Variants in CSMD3 observed in about 807,000 individuals in gnomAD.
CSMD3 encodes CUB and sushi domain-containing protein 3.
In CSMD3, 177 loss-of-function variants were observed where a neutral mutation model predicts 435.2. The ratio of observed to expected loss-of-function variants is 0.41; its 90% CI spans 0.36 to 0.46. CSMD3 has a LOEUF of 0.46. Among genes scored for constraint, CSMD3 ranks in the 20% least tolerant of loss-of-function variants. CSMD3 has a pLI of 0.34. For synonymous variants in CSMD3, 1,656 were observed against 1,520.5 expected (o/e 1.09, Z -2.07); for missense variants, 4,265 against 4,504.6 (o/e 0.95, Z 1.52).
chr8:112,279,893 G>A (rs749279620), intron 59 of CSMD3, among the ~76,000 whole-genome samples: 1 of 152,062 alleles, frequency 6.6e-6, no homozygotes, highest in African/African-American at 2.4e-5. Flanking sequence ...CTTTTGAAGA[G>A]ACAAAATATA....
chr8:113,239,568 C>A (rs2093189863), intron 3 of CSMD3, among the ~76,000 whole-genome samples: 1 of 151,460 alleles, frequency 6.6e-6, no homozygotes, highest in African/African-American at 2.4e-5. Flanking sequence ...TGTACAGAAC[C>A]CAGAATATTA....
intron 10 of CSMD3, among the ~76,000 whole-genome samples, chr8:112,888,688 T>C (rs928856689): frequency 6.6e-6 from 1 of 151,698 alleles, no homozygotes; most frequent in Non-Finnish European, 1.5e-5. Flanking sequence ...TTCATATCGC[T>C]TTGTAGGTTA....
chr8:112,391,691 CA>C (rs34187208), intron 35 of CSMD3, among the ~76,000 whole-genome samples: 4,851 of 141,390 alleles, frequency 0.034, 252 homozygotes, highest in African/African-American at 0.12. Context: ...GACTCCATCT[CA>C]AAAAAAAAAA....
intron 5 of CSMD3, among the ~76,000 whole-genome samples, chr8:113,086,885 T>C (rs2089803926): frequency 6.6e-6 from 1 of 152,182 alleles, no homozygotes; most frequent in Non-Finnish European, 1.5e-5. Flanking sequence ...TTTAATAACT[T>C]AAAAATTTAA....
intron 2 of CSMD3, among the ~76,000 whole-genome samples, chr8:113,293,258 T>C (rs1190811750): frequency 6.6e-6 from 1 of 151,316 alleles, no homozygotes; most frequent in African/African-American, 2.4e-5. Flanking sequence ...TGATTCCTAT[T>C]TTACGTGCCC....
chr8:113,124,492 G>A (rs202083243), intron 4 of CSMD3, among the ~76,000 whole-genome samples: 6 of 150,974 alleles, frequency 4.0e-5, no homozygotes. Flanking sequence ...TGGGAAAAAA[G>A]AAAAAAAACC....
chr8:112,407,042 T>A (rs1465535199), intron 34 of CSMD3, among the ~76,000 whole-genome samples: 1 of 151,964 alleles, frequency 6.6e-6, no homozygotes, highest in Non-Finnish European at 1.5e-5. Context: ...ATTTGTGGGA[T>A]GAAAACTGAA....
chr8:113,260,952 A>G (rs2093422165), intron 3 of CSMD3, among the ~76,000 whole-genome samples: 1 of 151,992 alleles, frequency 6.6e-6, no homozygotes, highest in South Asian at 2.1e-4. Context: ...TATGTGCCAC[A>G]TTTTCTTTAT....
Position 112,237,112 on chromosome 8 carries a change from A to T in CSMD3, c.10627+78T>A, listed in dbSNP as rs1813659922. 2.8e-6 allele frequency: 4 copies of T among 1,431,514 alleles called. No individual in the cohort carries two copies. The Admixed American group carries it at 6.7e-5, about 24-fold the overall frequency. The allele number at this position is 1,431,514 out of a possible 1,614,324, so 88.7% of individuals were successfully genotyped here. On this transcript the variant is annotated intron_variant, in intron 67 of 70. Transcript: ENST00000297405. Reference sequence around the variant, plus strand: ...AAAATAAACATTTCACCATATAAAAAGCATTACTAAAAATGATGAAATCAT... The same window carrying T: ...AAAATAAACATTTCACCATATAAAATGCATTACTAAAAATGATGAAATCAT...
chr8:112,885,268 G>A (rs2081557213), intron 10 of CSMD3, among the ~76,000 whole-genome samples: 1 of 151,520 alleles, frequency 6.6e-6, no homozygotes, highest in African/African-American at 2.4e-5. Context: ...CAGAATGACA[G>A]TACTGACTCT....
intron 3 of CSMD3, among the ~76,000 whole-genome samples, chr8:113,178,614 G>C (rs752015214): frequency 1.3e-5 from 2 of 151,898 alleles, no homozygotes; most frequent in Non-Finnish European, 2.9e-5. Flanking sequence ...ATTAAGAGGA[G>C]ATCTGGAAAG....
chr8:112,498,705 G>C (rs1056931299), intron 30 of CSMD3, among the ~76,000 whole-genome samples: 1 of 151,938 alleles, frequency 6.6e-6, no homozygotes, highest in African/African-American at 2.4e-5. Context: ...TTGTTAAAAG[G>C]TTTCTTTCTT....
intron 41 of CSMD3, among the ~76,000 whole-genome samples, chr8:112,344,864 A>G (rs956409342): frequency 1.3e-5 from 2 of 152,154 alleles, no homozygotes; most frequent in African/African-American, 4.8e-5. Flanking sequence ...AATTCATACT[A>G]CTTTTTAAAA....
chr8:113,265,414 A>C (rs1010870229), intron 3 of CSMD3, among the ~76,000 whole-genome samples: 1 of 151,630 alleles, frequency 6.6e-6, no homozygotes, highest in African/African-American at 2.4e-5. Context: ...AATTGAAGTA[A>C]ACCCTGGCTA....
At chr8:112,383,421 C>A (rs1829650749) in intron 37 of CSMD3, 146 bp downstream of exon 37, 1 of 620,728 alleles carries the variant, frequency 1.6e-6, no homozygotes, top group African/African-American at 1.9e-5. Context: ...ATCTTTAAAT[C>A]TTTTAAACTT....
At chr8:112,259,040 CA>C (rs111865705) in intron 61 of CSMD3, among the ~76,000 whole-genome samples, 26 of 142,904 alleles carry the variant, frequency 1.8e-4, no homozygotes, top group Admixed American at 3.5e-4. Context: ...ATCTATCTCC[CA>C]AAAAAAAAAG....
chr8:112,910,202 C>G (rs193141109), intron 10 of CSMD3, among the ~76,000 whole-genome samples: 62 of 151,794 alleles, frequency 4.1e-4, no homozygotes, highest in African/African-American at 1.4e-3. Flanking sequence ...CTTTTAAAAG[C>G]TCTCCAGGTG....
intron 32 of CSMD3, among the ~76,000 whole-genome samples, chr8:112,460,253 C>T (rs1023331397): frequency 6.6e-6 from 1 of 151,916 alleles, no homozygotes; most frequent in Non-Finnish European, 1.5e-5. Context: ...AATAATTGAG[C>T]AAATTAGTGA....
At chr8:113,210,712 T>C (rs2092824492) in intron 3 of CSMD3, among the ~76,000 whole-genome samples, 1 of 151,864 alleles carries the variant, frequency 6.6e-6, no homozygotes, top group Non-Finnish European at 1.5e-5. Context: ...ACCCCGTCCC[T>C]ACTGAAAATA....
Sources: gnomAD v4.1 joint callset for allele counts (sites outside exome capture counted in the v4.1 genomes callset) on GRCh38, gnomAD v4.1.1 for gene constraint, MANE v1.5 for transcripts, NCBI Gene and HGNC (gene_info 2026-07-23, HGNC 2026-07-21) for gene names.